The following PTPRT variants were observed in gnomAD, a reference collection of about 807,000 sequenced individuals.
The protein encoded by PTPRT is receptor-type tyrosine-protein phosphatase T.
In PTPRT, 56 loss-of-function variants were observed where a neutral mutation model predicts 176.8. The ratio of observed to expected loss-of-function variants is 0.32; its 90% CI spans 0.26 to 0.40. The LOEUF (loss-of-function observed/expected upper bound fraction) is 0.40, where lower values mean the gene tolerates loss of function less well. PTPRT is among the 10% of genes least tolerant of loss of function. The probability of loss-of-function intolerance (pLI) is 1.00; values close to 1 mark genes in which losing one functional copy is unlikely to be tolerated. For synonymous variants in PTPRT, 783 were observed against 739.0 expected, an observed-to-expected ratio of 1.06 and a Z score of -0.96; for missense variants, 1,540 against 1,908.2, an observed-to-expected ratio of 0.81 and a Z score of 3.60.
chr20:42,661,614 T>C, intron 7 of PTPRT, among the ~76,000 whole-genome samples: 1 of 152,056 alleles, frequency 6.6e-6, no homozygotes, highest in Non-Finnish European at 1.5e-5. Flanking sequence ...CTTCTAATGA[T>C]TAAGAAGCCC....
At chr20:43,067,800 A>C (rs1280402377) in intron 1 of PTPRT, among the ~76,000 whole-genome samples, 1 of 150,600 alleles carries the variant, frequency 6.6e-6, no homozygotes, top group Non-Finnish European at 1.5e-5. Flanking sequence ...CCATCTCTAC[A>C]TAAAACTTTT....
In PTPRT at chr20:42,920,357, C is replaced by T. The variant is rs926599766; in HGVS notation, c.89-34425G>A. On this transcript the variant is annotated intron_variant, in intron 1 of 30. Transcript: ENST00000373187. ...TATAGAGACTGAAAAACTGTAGTAT[C>T]AAAAAGCAGATAAGTGGTCGCCTGG... Among the ~76,000 whole-genome samples the T allele has an allele frequency of 3.3e-5, 5 of 152,042 alleles. No homozygotes were observed. In the South Asian group the frequency reaches 6.2e-4, roughly 19 times the overall value.
the PTPRT span, among the ~76,000 whole-genome samples, chr20:42,035,575 C>T: frequency 7.1e-4 from 108 of 152,244 alleles, 1 homozygote; most frequent in South Asian, 0.012. Flanking sequence ...TTCAGTTTAT[C>T]AGTCCTGTCT....
intron 6 of PTPRT, among the ~76,000 whole-genome samples, chr20:42,742,598 A>T (rs1245258129): frequency 1.3e-5 from 2 of 152,128 alleles, no homozygotes; most frequent in Non-Finnish European, 1.5e-5. Context: ...CTGGCCCAAA[A>T]GGAGTGTATA....
chr20:42,648,003 T>C (rs2223541), intron 7 of PTPRT, among the ~76,000 whole-genome samples: 25,184 of 152,120 alleles, frequency 0.17, 2,241 homozygotes, highest in African/African-American at 0.2. Context: ...ACTTTGGAGA[T>C]AGCAGCTTAG....
chr20:42,707,928 C>T (rs961243743), intron 6 of PTPRT, among the ~76,000 whole-genome samples: 1 of 152,264 alleles, frequency 6.6e-6, no homozygotes, highest in African/African-American at 2.4e-5. Flanking sequence ...TTCTAACCTA[C>T]AGAACTCTGA....
intron 8 of PTPRT, among the ~76,000 whole-genome samples, chr20:42,459,542 T>C (rs575782544): frequency 2.6e-5 from 4 of 152,278 alleles, no homozygotes; most frequent in South Asian, 4.1e-4. Flanking sequence ...GGGGTAGTAG[T>C]AGAGGCTGTG....
At chr20:42,957,994 A>T (rs1426400270) in intron 1 of PTPRT, among the ~76,000 whole-genome samples, 1 of 151,462 alleles carries the variant, frequency 6.6e-6, no homozygotes, top group Non-Finnish European at 1.5e-5. Context: ...GCACTCTTAA[A>T]TGACACCTCA....
At chr20:42,555,656 T>C (rs2072848707) in intron 7 of PTPRT, among the ~76,000 whole-genome samples, 1 of 152,174 alleles carries the variant, frequency 6.6e-6, no homozygotes. Flanking sequence ...GAGACCTCCT[T>C]GCCCCAGAGA....
intron 9 of PTPRT, among the ~76,000 whole-genome samples, chr20:42,441,700 G>A (rs2059317636): frequency 6.6e-6 from 1 of 152,204 alleles, no homozygotes; most frequent in Admixed American, 6.5e-5. Flanking sequence ...CCTGACCTGT[G>A]TCTATTTTGG....
intron 2 of PTPRT, among the ~76,000 whole-genome samples, chr20:42,817,813 G>A (rs956165930): frequency 1.3e-5 from 2 of 152,270 alleles, no homozygotes; most frequent in Non-Finnish European, 1.5e-5. Context: ...ATTGGGCAGG[G>A]CTTCCCTGCA....
rs1350206460 is a variant in PTPRT at position 42,118,494 on chromosome 20, A to G, written c.2891T>C (p.Met964Thr). 6 of 1,608,416 alleles carry G rather than the reference A, an allele frequency of 3.7e-6. No homozygotes were observed. The highest frequency in any genetic ancestry group is 5.1e-6 in the Non-Finnish European group (6 of 1,177,080). ...CCAAAAGTCCTTTACAGTCTCCTGC[A>G]TCGGACCTGCCAACAGAGAAGACAG... is the stretch of plus-strand genomic sequence containing the variant. ...PRHYIATQGP[M>T]QETVKDFWRM... The change falls in exon 21 of 31, where the codon ATG becomes ACG. Residue 964 changes from methionine to threonine, a missense_variant. Transcript: ENST00000373187.
intron 12 of PTPRT, among the ~76,000 whole-genome samples, chr20:42,303,135 T>TC (rs2057494089): frequency 6.6e-6 from 1 of 152,174 alleles, no homozygotes; most frequent in African/African-American, 2.4e-5. Context: ...ACCAGAGCAG[T>TC]CCTTCATGCT....
chr20:42,931,096 TG>T (rs539663381), intron 1 of PTPRT, among the ~76,000 whole-genome samples: 3 of 151,880 alleles, frequency 2.0e-5, no homozygotes, highest in Non-Finnish European at 4.4e-5. Flanking sequence ...AGAACAGGAG[TG>T]GGGGTAAGGA....
chr20:42,807,672 A>C (rs1338939153), intron 2 of PTPRT, among the ~76,000 whole-genome samples: 2 of 152,194 alleles, frequency 1.3e-5, no homozygotes, highest in African/African-American at 4.8e-5. Context: ...GGTGTGGGCG[A>C]AAATTCTCTA....
At chr20:42,374,847 G>A (rs1030456358) in intron 9 of PTPRT, among the ~76,000 whole-genome samples, 7 of 152,166 alleles carry the variant, frequency 4.6e-5, no homozygotes, top group African/African-American at 7.2e-5. Context: ...CTCATGGCTG[G>A]AAGCTTCTTA....
At chr20:42,318,674 G>T (rs775262163) in intron 11 of PTPRT, among the ~76,000 whole-genome samples, 18 of 152,176 alleles carry the variant, frequency 1.2e-4, no homozygotes, top group Non-Finnish European at 2.6e-4. Context: ...GTTGGAAAGA[G>T]CTGGGAGTCC....
intron 23 of PTPRT, 70 bp downstream of exon 23, chr20:42,110,263 G>A (rs2146289563): frequency 2.1e-6 from 3 of 1,430,150 alleles, no homozygotes; most frequent in South Asian, 1.4e-5. Context: ...CGTTGGCCAG[G>A]CTGGTCTCGA....
chr20:43,085,864 C>G (rs1242669199), intron 1 of PTPRT, among the ~76,000 whole-genome samples: 1 of 152,118 alleles, frequency 6.6e-6, no homozygotes, highest in Non-Finnish European at 1.5e-5. Flanking sequence ...AATCTAAGAA[C>G]AAACACTCTA....
Sources: allele counts gnomAD v4.1 joint callset (sites outside exome capture counted in the v4.1 genomes callset), GRCh38; gene constraint gnomAD v4.1.1; transcripts MANE v1.5; gene names NCBI Gene and HGNC (gene_info 2026-07-23, HGNC 2026-07-21).